RGS9: variants seen among roughly 807,000 people sequenced by gnomAD.
The protein encoded by RGS9 is regulator of G protein signaling 9.
Under a neutral mutation model 102.0 loss-of-function variants are expected in RGS9, and 78 were observed. That is an observed-to-expected ratio of 0.76 (90% CI 0.64 to 0.92). The LOEUF (loss-of-function observed/expected upper bound fraction) is 0.92, where lower values mean the gene tolerates loss of function less well. Ranked by LOEUF, RGS9 falls within the 40% of genes least tolerant of loss-of-function variation. The pLI is 0.00. For missense variants in RGS9, 833 were observed against 866.1 expected (o/e 0.96, Z 0.48); for synonymous variants, 353 against 318.6 (o/e 1.11, Z -1.15).
intron 9 of RGS9, among the ~76,000 whole-genome samples, chr17:65,178,811 G>T (rs573977815): frequency 6.6e-6 from 1 of 152,178 alleles, no homozygotes; most frequent in Admixed American, 6.5e-5. Flanking sequence ...GGCTCAGATA[G>T]ACAATTCTTT....
chr17:65,216,536 C>A (rs889945987), intron 17 of RGS9, among the ~76,000 whole-genome samples: 1 of 152,168 alleles, frequency 6.6e-6, no homozygotes, highest in African/African-American at 2.4e-5. Context: ...ACTCAGGCGG[C>A]TGAGACAGGA....
At chr17:65,186,162 TTTTATTTATTTATTTA>T (rs60422854) in intron 9 of RGS9, among the ~76,000 whole-genome samples, 136 of 138,042 alleles carry the variant, frequency 9.9e-4, no homozygotes, top group Admixed American at 3.1e-3. Flanking sequence ...TTGGTTTACA[TTTTATTTATTTATTTA>T]TTTATTTATT....
chr17:65,196,505 A>G (rs1166945657), intron 12 of RGS9, among the ~76,000 whole-genome samples: 4 of 152,254 alleles, frequency 2.6e-5, no homozygotes, highest in African/African-American at 9.6e-5. Context: ...CGAATATCCT[A>G]CCTGGGATCA....
intron 16 of RGS9, among the ~76,000 whole-genome samples, chr17:65,209,153 C>T (rs536764703): frequency 7.2e-5 from 11 of 152,116 alleles, no homozygotes; most frequent in South Asian, 2.1e-4. Flanking sequence ...GAGAATTACA[C>T]GTGAATGCAT....
intron 9 of RGS9, among the ~76,000 whole-genome samples, chr17:65,179,430 G>A (rs1911768260): frequency 6.6e-6 from 1 of 152,116 alleles, no homozygotes; most frequent in Non-Finnish European, 1.5e-5. Context: ...TTGTAGGCTT[G>A]GTTGCCATGG....
intron 9 of RGS9, 101 bp downstream of exon 9, chr17:65,177,904 C>T: frequency 1.1e-6 from 1 of 901,234 alleles, no homozygotes; most frequent in Non-Finnish European, 1.9e-6. Flanking sequence ...ACGATATCTC[C>T]TCTTTGAGAC....
intron 9 of RGS9, among the ~76,000 whole-genome samples, chr17:65,186,605 A>G (rs4293415): frequency 0.3 from 45,548 of 152,096 alleles, 10,479 homozygotes; most frequent in African/African-American, 0.65. Context: ...GCTAGGAGGA[A>G]AAAGTGAACA....
At chr17:65,201,087 A>G (rs1001623426) in intron 13 of RGS9, among the ~76,000 whole-genome samples, 4 of 151,278 alleles carry the variant, frequency 2.6e-5, no homozygotes, top group African/African-American at 9.8e-5. Context: ...ACACTGTGAC[A>G]CACTCCACGA....
chr17:65,227,493 C>A lies in RGS9; in HGVS notation c.*86C>A, dbSNP rs1339893025. The A allele has an allele frequency of 1.3e-6, 2 of 1,526,542 alleles. No individual in the cohort carries two copies. Among genetic ancestry groups the A allele is most frequent in the Non-Finnish European group, 1.8e-6 (2 of 1,125,318 alleles). The allele number at this position is 1,526,542 out of a possible 1,614,324, so 94.6% of individuals were successfully genotyped here. ...GTATGGGCCACAGGACACACTTGCT[C>A]GAGAACCAAAGTGCATTTGGGTGAC... On this transcript the variant is annotated 3_prime_UTR_variant, in exon 19 of 19. Transcript: ENST00000262406.
At chr17:65,174,286 G>A (rs999195020) in intron 8 of RGS9, among the ~76,000 whole-genome samples, 2 of 152,238 alleles carry the variant, frequency 1.3e-5, no homozygotes, top group East Asian at 1.9e-4. Flanking sequence ...TGACCACACC[G>A]AAGTCACCGA....
rs137965005 is a variant in RGS9 at position 65,197,939 on chromosome 17, A to G, written c.976+698A>G. On this transcript the variant is annotated intron_variant, in intron 13 of 18. Transcript: ENST00000262406. ...GCCCTCCCCAGCCTCCCAAAGTGCT[A>G]GGATTACAGGCGTGAGCCACTGCGC... Among the ~76,000 whole-genome samples the G allele has an allele frequency of 9.9e-3, 1,507 of 152,176 alleles. 23 individuals carry two copies. The highest frequency in any genetic ancestry group is 0.035 in the African/African-American group (1,451 of 41,524).
chr17:65,218,391 A>G (rs1026574109), intron 17 of RGS9, among the ~76,000 whole-genome samples: 1 of 152,250 alleles, frequency 6.6e-6, no homozygotes, highest in Non-Finnish European at 1.5e-5. Flanking sequence ...AAACATCGCT[A>G]AATGAACACA....
Position 65,153,451 on chromosome 17 carries a change from C to T in RGS9, c.87C>T (p.Asn29=). The T allele has an allele frequency of 6.2e-7, 1 of 1,614,146 alleles. No individual in the cohort carries two copies. ...KIEALVKDMQ[N]PETGVRMQNQ... The stretch of plus-strand genomic sequence containing the variant: ...AAGCGCTCGTGAAGGACATGCAGAA[C>T]CCAGAGACAGGGGTCCGAATGCAGA... The change falls in exon 2 of 19, where the codon AAC becomes AAT. Residue 29 remains asparagine (N), a synonymous_variant. Transcript: ENST00000262406.
intron 1 of RGS9, among the ~76,000 whole-genome samples, chr17:65,138,601 A>G (rs924251296): frequency 1.3e-5 from 2 of 152,030 alleles, no homozygotes; most frequent in Non-Finnish European, 2.9e-5. Context: ...AGGTGTGGGT[A>G]TCATCTGTAA....
chr17:65,172,839 C>T (rs1911470828), intron 8 of RGS9, among the ~76,000 whole-genome samples: 1 of 152,170 alleles, frequency 6.6e-6, no homozygotes, highest in Admixed American at 6.5e-5. Context: ...AAGCCAAGAT[C>T]CTCTAGGAGC....
intron 7 of RGS9, among the ~76,000 whole-genome samples, chr17:65,164,743 A>G (rs1328754548): frequency 1.3e-5 from 2 of 152,226 alleles, no homozygotes; most frequent in Non-Finnish European, 1.5e-5. Flanking sequence ...ACTGCTCATT[A>G]GCCACAAACA....
intron 1 of RGS9, among the ~76,000 whole-genome samples, chr17:65,148,402 C>T (rs971761493): frequency 1.3e-5 from 2 of 152,164 alleles, no homozygotes; most frequent in African/African-American, 4.8e-5. Context: ...TTTCCAGAGC[C>T]TGATTTCAAT....
chr17:65,179,673 G>T (rs1399484496), intron 9 of RGS9, among the ~76,000 whole-genome samples: 1 of 150,840 alleles, frequency 6.6e-6, no homozygotes, highest in African/African-American at 2.5e-5. Flanking sequence ...GTGTGTGTGT[G>T]TGTGTGTGTT....
In RGS9 at chr17:65,217,161, T is replaced by C. The variant is rs1221926922; in HGVS notation, c.1407+6556T>C. On this transcript the variant is annotated intron_variant, in intron 17 of 18. Coordinates refer to ENST00000262406, the MANE Select transcript of RGS9 (RefSeq NM_003835.4). ...TTGAGCAGAGACAGTGCCTACTGGA[T>C]AGTCCCTGGGCACCCTTCCACTTCC... Among the ~76,000 whole-genome samples, 4 of 152,138 alleles carry C rather than the reference T, an allele frequency of 2.6e-5. No individual in the cohort carries two copies. In the South Asian group the frequency reaches 8.3e-4, roughly 32 times the overall value.
Sources: allele counts gnomAD v4.1 joint callset (sites outside exome capture counted in the v4.1 genomes callset), GRCh38; gene constraint gnomAD v4.1.1; transcripts MANE v1.5; gene names NCBI Gene and HGNC (gene_info 2026-07-23, HGNC 2026-07-21).